RASGRF2: variants seen among roughly 807,000 people sequenced by gnomAD.
The protein encoded by RASGRF2 is ras-specific guanine nucleotide-releasing factor 2.
Under a neutral mutation model 151.0 loss-of-function variants are expected in RASGRF2, and 76 were observed. The observed-to-expected ratio is 0.50, with a 90% CI of 0.42 to 0.61. The LOEUF is 0.61. Ranked by LOEUF, RASGRF2 falls within the 20% of genes least tolerant of loss-of-function variation. The probability of loss-of-function intolerance (pLI) is 0.00; values close to 1 mark genes in which losing one functional copy is unlikely to be tolerated. For missense variants in RASGRF2, 1,148 were observed against 1,564.6 expected (o/e 0.73, Z 4.49); for synonymous variants, 504 against 566.5 (o/e 0.89, Z 1.57).
intron 4 of RASGRF2, among the ~76,000 whole-genome samples, chr5:81,070,829 T>A (rs1462268315): frequency 6.6e-6 from 1 of 152,180 alleles, no homozygotes; most frequent in Non-Finnish European, 1.5e-5. Flanking sequence ...CCAGTGGGGT[T>A]AATTAAGTGC....
chr5:81,172,466 TG>T (rs1754680289), intron 17 of RASGRF2, among the ~76,000 whole-genome samples: 1 of 151,650 alleles, frequency 6.6e-6, no homozygotes, highest in Non-Finnish European at 1.5e-5. Context: ...TGTGTGTGTG[TG>T]TGTGTGTTTA....
intron 12 of RASGRF2, 118 bp from the exon 13 acceptor site, chr5:81,108,877 TG>T: frequency 1.7e-4 from 152 of 902,512 alleles, no homozygotes; most frequent in Non-Finnish European, 2.0e-4. Flanking sequence ...TGTGTGTGTG[TG>T]TGTAAGAGAC....
At chr5:81,074,615 T>G (rs1751882458) in intron 5 of RASGRF2, among the ~76,000 whole-genome samples, 1 of 152,228 alleles carries the variant, frequency 6.6e-6, no homozygotes, top group African/African-American at 2.4e-5. Context: ...TACTTTAACA[T>G]GTACTTCATT....
intron 17 of RASGRF2, among the ~76,000 whole-genome samples, chr5:81,151,847 C>T (rs1269710568): frequency 6.6e-6 from 1 of 152,164 alleles, no homozygotes; most frequent in Non-Finnish European, 1.5e-5. Flanking sequence ...AGAATAGTTT[C>T]CAATGTGGTT....
chr5:81,010,760 T>G (rs763486164), intron 1 of RASGRF2, among the ~76,000 whole-genome samples: 10 of 151,954 alleles, frequency 6.6e-5, no homozygotes, highest in African/African-American at 9.7e-5. Flanking sequence ...AAAACCATCA[T>G]TAGTAGTCAC....
intron 19 of RASGRF2, 92 bp downstream of exon 19, chr5:81,201,534 G>T: frequency 7.6e-7 from 1 of 1,314,762 alleles, no homozygotes; most frequent in Admixed American, 2.3e-5. Flanking sequence ...AGAATCCTGG[G>T]GACAGTGGGG....
chr5:81,067,496 G>A (rs1169965641), intron 2 of RASGRF2, among the ~76,000 whole-genome samples: 1 of 152,178 alleles, frequency 6.6e-6, no homozygotes, highest in Non-Finnish European at 1.5e-5. Context: ...AAATAGAGTA[G>A]TCAATGATTT....
intron 2 of RASGRF2, among the ~76,000 whole-genome samples, chr5:81,053,288 A>G (rs983131455): frequency 1.6e-5 from 1 of 62,718 alleles, no homozygotes; most frequent in African/African-American, 6.7e-5. Context: ...CCCCCACCCC[A>G]TGACAGGCCC....
At position 81,227,589 on chromosome 5, in the gene RASGRF2, T is replaced by A. The variant is rs1367276043; in HGVS notation, c.*1819T>A. On this transcript the variant is annotated 3_prime_UTR_variant, in exon 27 of 27. Coordinates refer to ENST00000265080, the MANE Select transcript of RASGRF2 (RefSeq NM_006909.3). ...ATCCTAACAACGCATAACTTGTGAT[T>A]TATTTCTCAGTGCTCCAGAAACTGA... 6.6e-6 allele frequency: 1 copy of A among 152,196 alleles called. No individual in the cohort carries two copies. Among genetic ancestry groups the A allele is most frequent in the Non-Finnish European group, 1.5e-5 (1 of 68,038 alleles). The allele number at this position is 152,196 out of a possible 1,614,324, so 9.4% of individuals were successfully genotyped here.
chr5:81,037,779 T>A (rs1337304639), intron 1 of RASGRF2, among the ~76,000 whole-genome samples: 3 of 152,210 alleles, frequency 2.0e-5, no homozygotes, highest in African/African-American at 7.2e-5. Flanking sequence ...TAAAAAGGTT[T>A]TTTTAAAGAA....
chr5:81,174,942 C>T (rs1327403006), intron 17 of RASGRF2, among the ~76,000 whole-genome samples: 1 of 152,304 alleles, frequency 6.6e-6, no homozygotes, highest in Admixed American at 6.5e-5. Flanking sequence ...AGCCAAATAG[C>T]GTCTTCTCTC....
At position 80,960,588 on chromosome 5, in the gene RASGRF2, G is replaced by C. The variant is rs1455277026; in HGVS notation, c.-151G>C. On this transcript the variant is annotated 5_prime_UTR_variant, in exon 1 of 27. Coordinates refer to ENST00000265080, the MANE Select transcript of RASGRF2 (RefSeq NM_006909.3). The surrounding 1 kb of genome is among the most constrained non-coding windows in gnomAD (Gnocchi z 5.5). ...CCGCGCGCCGCGGCCTCCCGAAAGC[G>C]GGCGGGGTGCCCTGCGCGCGGCGTG... 1.4e-6 allele frequency: 1 copy of C among 715,908 alleles called. No individual in the cohort carries two copies. Among genetic ancestry groups the C allele is most frequent in the Admixed American group, 4.5e-5 (1 of 22,064 alleles). 44.3% of individuals were successfully genotyped at this position (715,908 alleles called of 1,614,324 possible).
At chr5:81,062,029 A>G (rs548770287) in intron 2 of RASGRF2, among the ~76,000 whole-genome samples, 2 of 146,702 alleles carry the variant, frequency 1.4e-5, no homozygotes, top group East Asian at 4.1e-4. Flanking sequence ...AAAAAACTGT[A>G]GAGATGAGAT....
At chr5:81,057,293 C>G (rs1350482043) in intron 2 of RASGRF2, among the ~76,000 whole-genome samples, 1 of 151,970 alleles carries the variant, frequency 6.6e-6, no homozygotes, top group East Asian at 1.9e-4. Flanking sequence ...GTGACCTGGG[C>G]TGTGACATTT....
chr5:81,006,295 T>C (rs567246304), intron 1 of RASGRF2, among the ~76,000 whole-genome samples: 2 of 152,326 alleles, frequency 1.3e-5, no homozygotes, highest in Admixed American at 1.3e-4. Context: ...TCTATGGGGA[T>C]CCTGTTTTGA....
intron 17 of RASGRF2, among the ~76,000 whole-genome samples, chr5:81,147,027 C>T (rs934346855): frequency 6.6e-6 from 1 of 152,032 alleles, no homozygotes; most frequent in Non-Finnish European, 1.5e-5. Context: ...AAGAACTGGT[C>T]ATCTAGTTGA....
chr5:80,990,179 G>A (rs533502271), intron 1 of RASGRF2, among the ~76,000 whole-genome samples: 33 of 151,528 alleles, frequency 2.2e-4, no homozygotes, highest in African/African-American at 6.3e-4. Context: ...GTGCTCTGTC[G>A]CCTAAAGGAA....
chr5:81,141,306 TCTCGGGCACTGTG>T (rs1192193136), intron 17 of RASGRF2, among the ~76,000 whole-genome samples: 14 of 152,322 alleles, frequency 9.2e-5, no homozygotes, highest in Admixed American at 5.9e-4. Flanking sequence ...GTTGATCTCT[TCTCGGGCACTGTG>T]CTTGACCACA....
At chr5:81,118,425 C>T (rs953638331) in intron 15 of RASGRF2, among the ~76,000 whole-genome samples, 1 of 152,210 alleles carries the variant, frequency 6.6e-6, no homozygotes, top group African/African-American at 2.4e-5. Context: ...TGGGGAGCAG[C>T]CCTGGGCAGC....
Sources: allele counts gnomAD v4.1 joint callset (sites outside exome capture counted in the v4.1 genomes callset), GRCh38; gene constraint gnomAD v4.1.1; non-coding constraint Gnocchi (gnomAD v3.1); transcripts MANE v1.5; gene names NCBI Gene and HGNC (gene_info 2026-07-23, HGNC 2026-07-21).